The following LRRC18 variants were observed in gnomAD, a reference collection of about 807,000 sequenced individuals.
LRRC18 encodes the protein leucine-rich repeat-containing protein 18.
A neutral mutation model predicts 11.2 loss-of-function variants in LRRC18; 12 were observed. That is an observed-to-expected ratio of 1.07 (90% CI 0.69 to 1.74). The LOEUF is 1.74. LRRC18 is among the 40% of genes most tolerant of loss of function. The pLI, the probability that LRRC18 is intolerant of heterozygous loss-of-function variation, is 0.00. For missense variants in LRRC18, 374 were observed against 330.5 expected, an observed-to-expected ratio of 1.13 and a Z score of -1.02; for synonymous variants, 155 against 130.6, an observed-to-expected ratio of 1.19 and a Z score of -1.27.
chr10:48,920,904 C>T, the LRRC18 span, among the ~76,000 whole-genome samples: 1 of 152,112 alleles, frequency 6.6e-6, no homozygotes, highest in Non-Finnish European at 1.5e-5. Context: ...AATAATAATG[C>T]TCCAAATAAT....
chr10:48,935,416 C>T, the LRRC18 span, among the ~76,000 whole-genome samples: 1 of 152,222 alleles, frequency 6.6e-6, no homozygotes, highest in Non-Finnish European at 1.5e-5. Context: ...TGCTGTTCAC[C>T]CAGCAGTCAG....
the LRRC18 span, among the ~76,000 whole-genome samples, chr10:48,939,318 C>T: frequency 1.8e-4 from 28 of 152,358 alleles, no homozygotes; most frequent in South Asian, 4.1e-4. Flanking sequence ...CAATGCTAGC[C>T]TTTTCCAGAC....
At chr10:48,913,892 C>A in exon 1 of LRRC18, 1 of 1,614,154 alleles carries the variant, frequency 6.2e-7, no homozygotes. Context: ...TGGACTCAGG[C>A]AGCTTGTCTA....
At chr10:48,913,020 A>G (rs1838145124) in intron 1 of LRRC18, among the ~76,000 whole-genome samples, 1 of 152,202 alleles carries the variant, frequency 6.6e-6, no homozygotes, top group Non-Finnish European at 1.5e-5. Flanking sequence ...CACATTTGGG[A>G]TCTGGCAGTG....
the LRRC18 span, among the ~76,000 whole-genome samples, chr10:48,928,418 G>A: frequency 6.7e-6 from 1 of 149,922 alleles, no homozygotes; most frequent in Admixed American, 6.7e-5. Flanking sequence ...TGGCACAGGA[G>A]GCAGCAGCAT....
chr10:48,933,898 G>T, the LRRC18 span, among the ~76,000 whole-genome samples: 1 of 152,086 alleles, frequency 6.6e-6, no homozygotes, highest in Non-Finnish European at 1.5e-5. Context: ...TTGATACTGG[G>T]TAACAGTGAG....
upstream of LRRC18, among the ~76,000 whole-genome samples, chr10:48,918,815 T>C (rs569211433): frequency 6.6e-6 from 1 of 152,274 alleles, no homozygotes; most frequent in East Asian, 1.9e-4. Context: ...TTTAGCAGAG[T>C]AAGGCCAGAA....
intron 1 of LRRC18, among the ~76,000 whole-genome samples, 182 bp from the exon 4 acceptor site, chr10:48,910,440 AT>A (rs1296445735): frequency 2.6e-5 from 4 of 152,168 alleles, no homozygotes; most frequent in Admixed American, 2.6e-4. Context: ...CCTATGAAGT[AT>A]TTTTATGCTT....
At chr10:48,933,917 G>A in the LRRC18 span, among the ~76,000 whole-genome samples, 1 of 152,076 alleles carries the variant, frequency 6.6e-6, no homozygotes, top group Non-Finnish European at 1.5e-5. Context: ...AGAGACCATT[G>A]GAGGCCCAAG....
chr10:48,913,256 G>T, intron 1 of LRRC18, 136 bp downstream of exon 3: 1 of 796,700 alleles, frequency 1.3e-6, no homozygotes, highest in Non-Finnish European at 2.0e-6. Flanking sequence ...AGAAAGTAAG[G>T]AAAGGAGTTT....
At chr10:48,914,878 G>A (rs1200028006), upstream of LRRC18, among the ~76,000 whole-genome samples, 1 of 152,178 alleles carries the variant, frequency 6.6e-6, no homozygotes, top group Non-Finnish European at 1.5e-5. Context: ...GGGGGATGGG[G>A]GGTGCGGGCA....
exon 1 of LRRC18, chr10:48,913,798 G>A (rs1182410774): frequency 1.2e-6 from 2 of 1,614,092 alleles, no homozygotes; most frequent in Non-Finnish European, 1.7e-6. Flanking sequence ...ATGTTCTTGA[G>A]TTGCTTCAGC....
In LRRC18 at chr10:48,913,929, C is replaced by CGG. The variant is rs752516542; in HGVS notation, c.225_226dup (p.Arg76ProfsTer11). 3 of 1,614,072 alleles carry CGG rather than the reference C, an allele frequency of 1.9e-6. No individual in the cohort carries two copies. Among genetic ancestry groups the CGG allele is most frequent in the Non-Finnish European group, 2.5e-6 (3 of 1,179,960 alleles). On this transcript the variant is annotated frameshift_variant, in exon 1 of 2. Coordinates refer to ENST00000374160, the Ensembl canonical transcript of LRRC18. LOFTEE classifies it high-confidence loss of function. ...GTAGTTGCTGTGCAGGTCCAGCCAC[C>CGG]GGAGGTTCTGGAACTTGGAGATGGA...
upstream of LRRC18, among the ~76,000 whole-genome samples, chr10:48,918,692 G>A (rs1838771469): frequency 6.6e-6 from 1 of 152,180 alleles, no homozygotes; most frequent in Admixed American, 6.5e-5. Flanking sequence ...AAGGAAAAGG[G>A]TTTCTCAACC....
At chr10:48,923,506 A>ATATATATATATATATATATGTATGTATG in the LRRC18 span, among the ~76,000 whole-genome samples, 104 of 115,136 alleles carry the variant, frequency 9.0e-4, 13 homozygotes, top group Non-Finnish European at 1.4e-3. Context: ...GTATATATAT[A>ATATATATATATATATATATGTATGTATG]TATATATGTC....
the LRRC18 span, among the ~76,000 whole-genome samples, chr10:48,924,033 C>A: frequency 6.6e-6 from 1 of 152,360 alleles, no homozygotes; most frequent in Non-Finnish European, 1.5e-5. Context: ...ACAGAGAACT[C>A]CTCCGTTAAG....
upstream of LRRC18, among the ~76,000 whole-genome samples, chr10:48,917,138 G>T (rs1221292866): frequency 6.6e-6 from 1 of 152,166 alleles, no homozygotes; most frequent in Non-Finnish European, 1.5e-5. Context: ...TAGGTCTATA[G>T]TAGGCTATAC....
At chr10:48,931,937 C>A in the LRRC18 span, among the ~76,000 whole-genome samples, 1 of 152,190 alleles carries the variant, frequency 6.6e-6, no homozygotes, top group Non-Finnish European at 1.5e-5. Flanking sequence ...GGATGGCCAC[C>A]CACATGTTAG....
the LRRC18 span, among the ~76,000 whole-genome samples, chr10:48,926,030 G>C: frequency 6.6e-6 from 1 of 152,212 alleles, no homozygotes; most frequent in African/African-American, 2.4e-5. Flanking sequence ...CAATGTGTCT[G>C]ATACGCAAGC....
Sources: allele counts gnomAD v4.1 joint callset (sites outside exome capture counted in the v4.1 genomes callset), GRCh38; gene constraint gnomAD v4.1.1; transcripts MANE v1.5; gene names NCBI Gene and HGNC (gene_info 2026-07-23, HGNC 2026-07-21).